Variants in SLC16A10 observed in about 807,000 individuals in gnomAD.
The protein encoded by SLC16A10 is monocarboxylate transporter 10.
A neutral mutation model predicts 40.0 loss-of-function variants in SLC16A10; 27 were observed. The ratio of observed to expected loss-of-function variants is 0.67; its 90% CI spans 0.50 to 0.93. The LOEUF (loss-of-function observed/expected upper bound fraction) is 0.93, where lower values mean the gene tolerates loss of function less well. SLC16A10 is among the 40% of genes least tolerant of loss of function. The pLI is 0.00. For missense variants in SLC16A10, 529 were observed against 658.2 expected (o/e 0.80, Z 2.15); for synonymous variants, 213 against 249.8 (o/e 0.85, Z 1.39).
intron 3 of SLC16A10, 63 bp downstream of exon 3, chr6:111,177,728 A>G: frequency 1.4e-6 from 2 of 1,421,684 alleles, no homozygotes; most frequent in South Asian, 3.2e-5. Flanking sequence ...TTCTTTGAAG[A>G]GAAAGTTAGG....
chr6:111,138,094 CCAAA>C (rs1289440363), intron 1 of SLC16A10, among the ~76,000 whole-genome samples: 5 of 152,236 alleles, frequency 3.3e-5, no homozygotes, highest in South Asian at 2.1e-4. Flanking sequence ...CCAAACCAAA[CCAAA>C]CAAACAAAAA....
At chr6:111,115,051 G>T (rs1225323839) in intron 1 of SLC16A10, among the ~76,000 whole-genome samples, 1 of 151,888 alleles carries the variant, frequency 6.6e-6, no homozygotes, top group Non-Finnish European at 1.5e-5. Context: ...GTATTTAATT[G>T]TATGTTCTTC....
At chr6:111,190,931 A>T (rs1772980154) in intron 3 of SLC16A10, among the ~76,000 whole-genome samples, 1 of 152,206 alleles carries the variant, frequency 6.6e-6, no homozygotes, top group Non-Finnish European at 1.5e-5. Context: ...GGCAATTAAC[A>T]TTGAGCTTCT....
At chr6:111,179,633 A>G (rs933577931) in intron 3 of SLC16A10, among the ~76,000 whole-genome samples, 26 of 152,240 alleles carry the variant, frequency 1.7e-4, no homozygotes, top group African/African-American at 6.3e-4. Context: ...AGACAATGTT[A>G]TAGATACTTT....
chr6:111,108,796 AAAT>A (rs1771332892), intron 1 of SLC16A10, among the ~76,000 whole-genome samples: 1 of 152,284 alleles, frequency 6.6e-6, no homozygotes, highest in East Asian at 1.9e-4. Flanking sequence ...ATCATAATCA[AAAT>A]AATGCCATTT....
intron 1 of SLC16A10, among the ~76,000 whole-genome samples, chr6:111,137,695 C>T (rs879569089): frequency 1.1e-4 from 16 of 152,156 alleles, no homozygotes; most frequent in Non-Finnish European, 1.9e-4. Context: ...TTAGAGCGGC[C>T]GTTGGCCAAC....
intron 1 of SLC16A10, among the ~76,000 whole-genome samples, chr6:111,136,130 A>G (rs886607232): frequency 1.3e-5 from 2 of 152,230 alleles, no homozygotes; most frequent in Admixed American, 6.5e-5. Flanking sequence ...TCAGAAAGCC[A>G]ATACCCATTT....
At chr6:111,212,257 C>T (rs1773357307) in intron 4 of SLC16A10, among the ~76,000 whole-genome samples, 1 of 152,062 alleles carries the variant, frequency 6.6e-6, no homozygotes, top group South Asian at 2.1e-4. Context: ...AAGTGCCTAG[C>T]CCAGACTGGA....
chr6:111,222,146 G>T lies in SLC16A10; in HGVS notation c.1459G>T (p.Glu487Ter). The T allele has an allele frequency of 6.2e-7, 1 of 1,607,320 alleles. No homozygotes were observed. Among genetic ancestry groups the T allele is most frequent in the Non-Finnish European group, 8.5e-7 (1 of 1,178,326 alleles). ...QREISKTTGKEKMEKMLENQN... is the reference protein window; with the variant it reads ...QREISKTTGK ...AGAGATCAGTAAAACCACTGGAAAA[G>T]AAAAGATGGAGAAAATGTTGGAAAA... is the stretch of plus-strand genomic sequence containing the variant. The change falls in exon 6 of 6, where the codon GAA (glutamate) becomes TAA (stop). Residue 487 changes from glutamate to a stop codon, truncating the protein, a stop_gained. Coordinates refer to ENST00000368851, the MANE Select transcript of SLC16A10 (RefSeq NM_018593.5). LOFTEE classifies it high-confidence loss of function.
intron 1 of SLC16A10, among the ~76,000 whole-genome samples, chr6:111,122,052 T>G (rs964621079): frequency 2.0e-5 from 3 of 152,072 alleles, no homozygotes; most frequent in Admixed American, 1.3e-4. Flanking sequence ...CTGGGTCACA[T>G]GGGAGAGGAG....
intron 4 of SLC16A10, among the ~76,000 whole-genome samples, chr6:111,212,465 T>A: frequency 6.6e-6 from 1 of 152,124 alleles, no homozygotes; most frequent in South Asian, 2.1e-4. Flanking sequence ...TCCATCAAGG[T>A]CCTGGGTCCC....
intron 1 of SLC16A10, among the ~76,000 whole-genome samples, chr6:111,103,342 C>T (rs977178453): frequency 1.3e-5 from 2 of 151,934 alleles, no homozygotes; most frequent in Admixed American, 6.6e-5. Context: ...CTCAGCCTCC[C>T]GAGTAGCTGG....
chr6:111,212,348 A>C (rs1174861404), intron 4 of SLC16A10, among the ~76,000 whole-genome samples: 4 of 152,226 alleles, frequency 2.6e-5, no homozygotes, highest in African/African-American at 9.6e-5. Flanking sequence ...AATAGGTCTC[A>C]AGAAAGGAGA....
chr6:111,111,521 G>C (rs898925409), intron 1 of SLC16A10, among the ~76,000 whole-genome samples: 1 of 152,088 alleles, frequency 6.6e-6, no homozygotes, highest in Non-Finnish European at 1.5e-5. Context: ...AGAAGTTCTA[G>C]ACCAGTCTAG....
intron 1 of SLC16A10, among the ~76,000 whole-genome samples, chr6:111,128,968 T>C (rs1359610369): frequency 8.0e-6 from 1 of 125,084 alleles, no homozygotes; most frequent in Non-Finnish European, 2.0e-5. Flanking sequence ...TCATTTCAAT[T>C]GTTTTATTTT....
At chr6:111,170,980 A>C (rs1772575330) in intron 1 of SLC16A10, among the ~76,000 whole-genome samples, 1 of 151,870 alleles carries the variant, frequency 6.6e-6, no homozygotes, top group African/African-American at 2.4e-5. Flanking sequence ...TCTACAAAAG[A>C]TACAAAAATT....
intron 1 of SLC16A10, among the ~76,000 whole-genome samples, chr6:111,101,008 ATATAT>A: frequency 1.4e-5 from 2 of 140,758 alleles, no homozygotes; most frequent in African/African-American, 5.4e-5. Context: ...ATATATATAT[ATATAT>A]ATATAAATAT....
At chr6:111,133,140 A>C (rs1324595025) in intron 1 of SLC16A10, among the ~76,000 whole-genome samples, 1 of 152,190 alleles carries the variant, frequency 6.6e-6, no homozygotes, top group Admixed American at 6.5e-5. Context: ...GCACTCTGGT[A>C]AAGGACCACT....
intron 1 of SLC16A10, among the ~76,000 whole-genome samples, chr6:111,100,886 G>A (rs922476955): frequency 2.7e-5 from 4 of 149,988 alleles, no homozygotes; most frequent in Admixed American, 2.0e-4. Flanking sequence ...ATATGTATGG[G>A]TATCATCAGT....
Sources: allele counts gnomAD v4.1 joint callset (sites outside exome capture counted in the v4.1 genomes callset), GRCh38; gene constraint gnomAD v4.1.1; transcripts MANE v1.5; gene names NCBI Gene and HGNC (gene_info 2026-07-23, HGNC 2026-07-21).